Variants in AFG2B observed in about 807,000 individuals in gnomAD.
AFG2B encodes AAA ATPase AFG2B.
the AFG2B span, chr15:45,402,589 G>A: frequency 6.4e-7 from 1 of 1,570,426 alleles, no homozygotes; most frequent in Non-Finnish European, 8.6e-7. Flanking sequence ...GCTACCCGAC[G>A]GCGGCTCCTG....
the AFG2B span, among the ~76,000 whole-genome samples, chr15:45,409,567 A>T: frequency 2.0e-5 from 3 of 151,912 alleles, no homozygotes; most frequent in African/African-American, 7.3e-5. Flanking sequence ...TACATAAAAT[A>T]CTTGAACATG....
the AFG2B span, chr15:45,421,186 A>G: frequency 6.2e-7 from 1 of 1,607,118 alleles, no homozygotes; most frequent in African/African-American, 1.3e-5. Flanking sequence ...AGAAAGAAGG[A>G]TTTTCTAACG....
chr15:45,407,449 C>A, the AFG2B span, among the ~76,000 whole-genome samples: 56 of 152,312 alleles, frequency 3.7e-4, no homozygotes, highest in African/African-American at 1.3e-3. Flanking sequence ...TGATCTTGAA[C>A]TATAAATGAG....
At chr15:45,407,400 A>G in the AFG2B span, among the ~76,000 whole-genome samples, 1 of 152,264 alleles carries the variant, frequency 6.6e-6, no homozygotes, top group Non-Finnish European at 1.5e-5. Context: ...GAAAGAATGT[A>G]TAAGCCCAAA....
chr15:45,403,428 T>C, the AFG2B span: 1 of 1,609,518 alleles, frequency 6.2e-7, no homozygotes, highest in East Asian at 2.2e-5. Context: ...ACGGCGCCAG[T>C]GGGGACCGCG....
chr15:45,416,064 T>C, the AFG2B span, among the ~76,000 whole-genome samples: 2 of 152,242 alleles, frequency 1.3e-5, no homozygotes, highest in Non-Finnish European at 2.9e-5. Flanking sequence ...ATTTTACTTA[T>C]TGCTAATAGA....
chr15:45,407,304 A>G, the AFG2B span: 1 of 1,081,366 alleles, frequency 9.2e-7, no homozygotes, highest in Middle Eastern at 4.3e-4. Flanking sequence ...CAGATAAGGG[A>G]TACCTTACAC....
chr15:45,415,450 A>G, the AFG2B span: 8 of 707,100 alleles, frequency 1.1e-5, no homozygotes, highest in African/African-American at 1.3e-4. Context: ...GTGAGCTGAA[A>G]TCGCATCACT....
the AFG2B span, among the ~76,000 whole-genome samples, chr15:45,406,833 C>CA: frequency 6.6e-6 from 1 of 152,258 alleles, no homozygotes; most frequent in Non-Finnish European, 1.5e-5. Flanking sequence ...TCTACAGTTA[C>CA]ACCGAAGGTG....
At chr15:45,403,425 C>T in the AFG2B span, 2 of 1,609,604 alleles carry the variant, frequency 1.2e-6, no homozygotes, top group East Asian at 4.5e-5. Context: ...TGGACGGCGC[C>T]AGTGGGGACC....
chr15:45,421,314 T>C, the AFG2B span: 1 of 792,874 alleles, frequency 1.3e-6, no homozygotes, highest in South Asian at 2.3e-5. Context: ...TTCCTGTAAG[T>C]GAATAAATAA....
At chr15:45,408,473 C>T in the AFG2B span, among the ~76,000 whole-genome samples, 1 of 152,144 alleles carries the variant, frequency 6.6e-6, no homozygotes, top group African/African-American at 2.4e-5. Flanking sequence ...CACTTTATCC[C>T]TTAACATTTT....
At chr15:45,405,567 G>A in the AFG2B span, 2 of 1,522,792 alleles carry the variant, frequency 1.3e-6, no homozygotes, top group Middle Eastern at 2.2e-4. Flanking sequence ...TTAATTTGGG[G>A]GTTAAAAAAA....
At chr15:45,419,905 C>G in the AFG2B span, among the ~76,000 whole-genome samples, 2 of 146,144 alleles carry the variant, frequency 1.4e-5, no homozygotes, top group East Asian at 4.5e-4. Context: ...GTGGGAGGAT[C>G]ACTTGAGCCT....
At chr15:45,403,278 G>A in the AFG2B span, 2 of 1,589,814 alleles carry the variant, frequency 1.3e-6, no homozygotes, top group Non-Finnish European at 1.7e-6. Context: ...AGAACGTGCG[G>A]CGGGTCTTCC....
chr15:45,416,273 G>T, the AFG2B span, among the ~76,000 whole-genome samples: 1 of 152,152 alleles, frequency 6.6e-6, no homozygotes, highest in African/African-American at 2.4e-5. Context: ...ATGAATGAAT[G>T]AATGAATGAA....
At chr15:45,419,076 A>G in the AFG2B span, among the ~76,000 whole-genome samples, 1 of 152,182 alleles carries the variant, frequency 6.6e-6, no homozygotes, top group East Asian at 1.9e-4. Flanking sequence ...GGTGGAGAGA[A>G]TAAAATGTGC....
the AFG2B span, among the ~76,000 whole-genome samples, chr15:45,413,313 A>C: frequency 1.3e-5 from 2 of 152,202 alleles, no homozygotes; most frequent in South Asian, 4.1e-4. Context: ...CTGTATATCT[A>C]GAGTAGACAT....
the AFG2B span, among the ~76,000 whole-genome samples, chr15:45,411,820 G>C: frequency 2.0e-5 from 3 of 152,226 alleles, no homozygotes; most frequent in South Asian, 4.2e-4. Flanking sequence ...ATTTTGACTG[G>C]GCATGGTGGC....
Sources: allele counts gnomAD v4.1 joint callset (sites outside exome capture counted in the v4.1 genomes callset), GRCh38; gene constraint gnomAD v4.1.1; transcripts MANE v1.5; gene names NCBI Gene and HGNC (gene_info 2026-07-23, HGNC 2026-07-21).